The following THSD4 variants were observed in gnomAD, a reference collection of about 807,000 sequenced individuals.
The protein encoded by THSD4 is thrombospondin type 1 domain containing 4.
THSD4 carries 69 observed loss-of-function variants against 119.0 expected under a neutral mutation model. That is an observed-to-expected ratio of 0.58 (90% CI 0.48 to 0.71). The LOEUF (loss-of-function observed/expected upper bound fraction) is 0.71. Ranked by LOEUF, THSD4 falls within the 30% of genes least tolerant of loss-of-function variation. The probability of loss-of-function intolerance (pLI) is 0.00; values close to 1 mark genes in which losing one functional copy is unlikely to be tolerated. For synonymous variants in THSD4, 524 were observed against 540.4 expected (o/e 0.97, Z 0.42); for missense variants, 1,393 against 1,391.1 (o/e 1.00, Z -0.02).
intron 6 of THSD4, among the ~76,000 whole-genome samples, chr15:71,367,061 T>A (rs2045974670): frequency 2.0e-5 from 3 of 152,200 alleles, no homozygotes; most frequent in African/African-American, 7.2e-5. Context: ...TTTTGGCTCA[T>A]GAACTTTGAA....
chr15:71,369,523 G>C (rs952785100), intron 6 of THSD4, among the ~76,000 whole-genome samples: 1 of 152,146 alleles, frequency 6.6e-6, no homozygotes, highest in African/African-American at 2.4e-5. Context: ...GGCCTTTTCT[G>C]CATCTATTGA....
chr15:71,312,668 C>A (rs1222267538), intron 6 of THSD4, among the ~76,000 whole-genome samples: 1 of 152,174 alleles, frequency 6.6e-6, no homozygotes, highest in Non-Finnish European at 1.5e-5. Flanking sequence ...CCAAGCCACA[C>A]ATGATCAGTT....
intron 6 of THSD4, among the ~76,000 whole-genome samples, chr15:71,321,613 C>G (rs1465597845): frequency 1.3e-5 from 2 of 152,094 alleles, no homozygotes; most frequent in Non-Finnish European, 2.9e-5. Context: ...AAATTGTTTT[C>G]CCTTCCCTGC....
chr15:71,360,245 C>T (rs1159457014), intron 6 of THSD4, among the ~76,000 whole-genome samples: 1 of 152,174 alleles, frequency 6.6e-6, no homozygotes, highest in East Asian at 1.9e-4. Flanking sequence ...AAATTTCCTA[C>T]ATGGCAGCCA....
intron 1 of THSD4, among the ~76,000 whole-genome samples, chr15:71,120,958 G>T (rs865891137): frequency 2.0e-5 from 3 of 152,200 alleles, no homozygotes; most frequent in Non-Finnish European, 4.4e-5. Flanking sequence ...ATTTTTCTTG[G>T]AGGCACAGTC....
At chr15:71,195,526 A>G (rs973028997) in intron 3 of THSD4, among the ~76,000 whole-genome samples, 2 of 152,306 alleles carry the variant, frequency 1.3e-5, no homozygotes, top group Non-Finnish European at 1.5e-5. Context: ...GTGTTTGTAG[A>G]TTGGAGGTAG....
At chr15:71,698,258 T>G (rs2052208179) in intron 8 of THSD4, among the ~76,000 whole-genome samples, 2 of 152,186 alleles carry the variant, frequency 1.3e-5, no homozygotes, top group African/African-American at 4.8e-5. Context: ...TGGAATGTAG[T>G]CAGCTGGGTG....
rs1157764278 is a variant in THSD4 at position 71,777,262 on chromosome 15, G to A, written c.2945G>A (p.Cys982Tyr). 1 of 1,614,192 alleles carries A rather than the reference G, an allele frequency of 6.2e-7. No individual in the cohort carries two copies. The highest frequency in any genetic ancestry group is 1.7e-5 in the Admixed American group (1 of 60,028). Reference protein sequence around the residue: ...DENCKDKYYNCNVVVQARLCV... With the variant: ...DENCKDKYYNYNVVVQARLCV... ...AACTGCAAGGACAAGTACTACAACT[G>A]CAACGTGGTGGTCCAGGCAAGACTC... Residue 982 changes from cysteine (C) to tyrosine (Y), a missense_variant, in exon 18 of 18, where the codon TGC (cysteine) becomes TAC (tyrosine). Cys to Tyr is a radical substitution (Grantham distance 194). Coordinates refer to ENST00000261862, the MANE Select transcript of THSD4 (RefSeq NM_024817.3).
chr15:71,595,747 C>G (rs567267720), intron 7 of THSD4, among the ~76,000 whole-genome samples: 2 of 152,318 alleles, frequency 1.3e-5, no homozygotes, highest in South Asian at 4.1e-4. Flanking sequence ...ACTCCCCCAA[C>G]TCCATCACCC....
At position 71,748,500 on chromosome 15, in the gene THSD4, A is replaced by G; in HGVS notation, c.2321A>G (p.Glu774Gly). The change falls in exon 14 of 18, where the codon GAG becomes GGG. Residue 774 changes from glutamate to glycine, a missense_variant. Transcript: ENST00000261862. ...VSNIGDVVDD[E>G]ECNMKLRPND... ...AACATTGGGGATGTGGTTGACGATG[A>G]GGAATGCAACATGAAGCTCCGGCCG... The G allele has an allele frequency of 6.2e-7, 1 of 1,614,246 alleles. No homozygotes were observed.
At chr15:71,440,568 C>A (rs1180290725) in intron 7 of THSD4, among the ~76,000 whole-genome samples, 1 of 152,150 alleles carries the variant, frequency 6.6e-6, no homozygotes, top group Non-Finnish European at 1.5e-5. Flanking sequence ...AAAGTCTATG[C>A]CTTATTGCCG....
intron 8 of THSD4, among the ~76,000 whole-genome samples, chr15:71,673,646 T>C (rs1320964133): frequency 6.6e-6 from 1 of 152,270 alleles, no homozygotes; most frequent in Admixed American, 6.5e-5. Flanking sequence ...AATTTCCTTC[T>C]GCACACTGCT....
At chr15:71,731,352 A>T in intron 10 of THSD4, 135 bp downstream of exon 10, 1 of 807,880 alleles carries the variant, frequency 1.2e-6, no homozygotes. Context: ...TTCAAAGCCA[A>T]GGGGCCTTGA....
At chr15:71,278,743 G>T (rs1032088189) in intron 6 of THSD4, among the ~76,000 whole-genome samples, 1 of 152,156 alleles carries the variant, frequency 6.6e-6, no homozygotes, top group Non-Finnish European at 1.5e-5. Flanking sequence ...TATTGCAGGG[G>T]TAAGAAACGC....
At chr15:71,326,726 T>TATATATATATATATATATATA (rs1491127315) in intron 6 of THSD4, among the ~76,000 whole-genome samples, 68 of 87,982 alleles carry the variant, frequency 7.7e-4, no homozygotes, top group Non-Finnish European at 1.2e-3. Context: ...TATATATATA[T>TATATATATATATATATATATA]TAGCTGGGTG....
intron 6 of THSD4, among the ~76,000 whole-genome samples, chr15:71,309,834 A>G (rs1461190156): frequency 6.6e-6 from 1 of 152,222 alleles, no homozygotes; most frequent in Non-Finnish European, 1.5e-5. Context: ...TATACTTGAC[A>G]GAGGAAGGTG....
chr15:71,513,020 T>C (rs951854265), intron 7 of THSD4, among the ~76,000 whole-genome samples: 2 of 152,204 alleles, frequency 1.3e-5, no homozygotes, highest in African/African-American at 2.4e-5. Flanking sequence ...AGCAAAGAAA[T>C]TGATCCAAAA....
At chr15:71,597,788 C>T (rs2049932392) in intron 7 of THSD4, among the ~76,000 whole-genome samples, 1 of 152,132 alleles carries the variant, frequency 6.6e-6, no homozygotes, top group African/African-American at 2.4e-5. Flanking sequence ...AAAGCAGATC[C>T]CTTCTCGTCC....
intron 7 of THSD4, among the ~76,000 whole-genome samples, chr15:71,583,622 A>G (rs966197558): frequency 2.0e-5 from 3 of 151,790 alleles, no homozygotes; most frequent in Non-Finnish European, 4.4e-5. Flanking sequence ...GTTTGTATTA[A>G]TATGTATTTT....
Sources: allele counts gnomAD v4.1 joint callset (sites outside exome capture counted in the v4.1 genomes callset), GRCh38; gene constraint gnomAD v4.1.1; transcripts MANE v1.5; gene names NCBI Gene and HGNC (gene_info 2026-07-23, HGNC 2026-07-21).